Variants in TEX101 observed in about 807,000 individuals in gnomAD.
TEX101 encodes the protein testis-expressed protein 101.
TEX101 carries 10 observed loss-of-function variants against 18.1 expected under a neutral mutation model. The ratio of observed to expected loss-of-function variants is 0.55; its 90% confidence interval spans 0.34 to 0.94. TEX101 has a LOEUF of 0.94. TEX101 is among the 40% of genes least tolerant of loss of function. The pLI is 0.02. For synonymous variants in TEX101, 94 were observed against 114.8 expected (o/e 0.82, Z 1.16); for missense variants, 259 against 298.9 (o/e 0.87, Z 0.98).
chr19:43,413,056 CTTGTG>C (rs1225671116), upstream of TEX101, among the ~76,000 whole-genome samples: 1 of 152,172 alleles, frequency 6.6e-6, no homozygotes, highest in African/African-American at 2.4e-5. Flanking sequence ...ACCTAAACTA[CTTGTG>C]TTATCTGTAA....
intron 3 of TEX101, among the ~76,000 whole-genome samples, chr19:43,406,920 CTTTGT>C (rs1426102408): frequency 1.7e-5 from 2 of 117,832 alleles, no homozygotes; most frequent in Non-Finnish European, 1.7e-5. Flanking sequence ...TGTTTTTTGT[CTTTGT>C]TTTTTGTTTT....
upstream of TEX101, among the ~76,000 whole-genome samples, chr19:43,399,546 G>C (rs1176830021): frequency 1.3e-5 from 2 of 152,046 alleles, no homozygotes; most frequent in Non-Finnish European, 2.9e-5. Flanking sequence ...CCTCACTCGT[G>C]ATTTGGTTAC....
upstream of TEX101, among the ~76,000 whole-genome samples, chr19:43,399,856 G>T (rs1970304638): frequency 1.3e-5 from 2 of 148,626 alleles, no homozygotes; most frequent in Non-Finnish European, 1.5e-5. Flanking sequence ...CAGCCAGGCT[G>T]GAGTGCTGGA....
upstream of TEX101, among the ~76,000 whole-genome samples, chr19:43,400,602 C>T (rs920110247): frequency 1.3e-5 from 2 of 152,150 alleles, no homozygotes; most frequent in Non-Finnish European, 2.9e-5. Flanking sequence ...CTAGAGTTGT[C>T]CAGTCATTGT....
chr19:43,405,635 T>G (rs73041521), intron 2 of TEX101, among the ~76,000 whole-genome samples: 1 of 139,220 alleles, frequency 7.2e-6, no homozygotes, highest in Non-Finnish European at 1.6e-5. Context: ...ACATCTAAAA[T>G]GGAAGGAGGT....
rs1568459037 is a variant in TEX101, at chr19:43,416,582, A to G, written c.391+27A>G. The G allele has an allele frequency of 4.4e-6, 7 of 1,596,886 alleles. No homozygotes were observed. In the Middle Eastern group the frequency reaches 8.4e-4, roughly 192 times the overall value. On this transcript the variant is annotated intron_variant, in intron 4 of 5. Transcript: ENST00000598265. ...TACCCTGGAAGTGGGGGAGATAGGT[A>G]CTAAGAGAAACTCCATAAAGAGCTT...
chr19:43,417,809 G>A, intron 4 of TEX101, 69 bp from the exon 5 acceptor site: 9 of 1,592,724 alleles, frequency 5.7e-6, no homozygotes, highest in Non-Finnish European at 7.7e-6. Flanking sequence ...TTGGGGAAGA[G>A]AAGGCAGCAA....
intron 3 of TEX101, 65 bp downstream of exon 3, chr19:43,416,307 G>C: frequency 1.9e-6 from 3 of 1,585,658 alleles, no homozygotes; most frequent in Non-Finnish European, 2.6e-6. Flanking sequence ...GCCAATGCTT[G>C]TTCCCTTCGT....
upstream of TEX101, among the ~76,000 whole-genome samples, chr19:43,411,134 T>TACACTGC (rs771736853): frequency 6.6e-6 from 1 of 152,218 alleles, no homozygotes; most frequent in Non-Finnish European, 1.5e-5. Context: ...TGCAGTGCAG[T>TACACTGC]AGCACAATCT....
intron 1 of TEX101, among the ~76,000 whole-genome samples, chr19:43,401,800 G>A (rs1175572140): frequency 6.6e-6 from 1 of 151,902 alleles, no homozygotes; most frequent in Non-Finnish European, 1.5e-5. Flanking sequence ...GCTGGAGATT[G>A]TGCCATTGCA....
chr19:43,406,541 T>C (rs779492221), intron 3 of TEX101: 2 of 688,036 alleles, frequency 2.9e-6, no homozygotes, highest in Non-Finnish European at 5.3e-6. Flanking sequence ...TTGCGGGCTG[T>C]GGGTGAAATT....
At chr19:43,388,643 C>T in the TEX101 span, among the ~76,000 whole-genome samples, 6 of 152,064 alleles carry the variant, frequency 3.9e-5, no homozygotes, top group East Asian at 1.9e-4. Context: ...CAAATGGTGC[C>T]GTTGAGTCCT....
upstream of TEX101, among the ~76,000 whole-genome samples, chr19:43,398,346 G>C (rs189098795): frequency 6.8e-6 from 1 of 146,206 alleles, no homozygotes; most frequent in Non-Finnish European, 1.5e-5. Context: ...CGCCATCTTC[G>C]CTCACTGCAA....
intron 1 of TEX101, among the ~76,000 whole-genome samples, 151 bp downstream of exon 1, chr19:43,415,189 G>T (rs1282080517): frequency 1.3e-5 from 2 of 151,812 alleles, no homozygotes; most frequent in South Asian, 4.2e-4. Context: ...TACATAGGAC[G>T]GGGCTGGGCT....
At chr19:43,397,850 AAT>A (rs963479374), upstream of TEX101, among the ~76,000 whole-genome samples, 50 of 107,558 alleles carry the variant, frequency 4.6e-4, no homozygotes, top group Middle Eastern at 8.2e-3. Flanking sequence ...ATAAATATAT[AAT>A]ATATATAAAT....
At chr19:43,405,515 G>A (rs1187373656) in intron 2 of TEX101, among the ~76,000 whole-genome samples, 2 of 120,022 alleles carry the variant, frequency 1.7e-5, no homozygotes, top group African/African-American at 3.2e-5. Context: ...AAGTTGCAGT[G>A]AGCCAAGACC....
chr19:43,391,406 C>CTTTTTTTTTTTTTTT, the TEX101 span, among the ~76,000 whole-genome samples: 4 of 95,902 alleles, frequency 4.2e-5, no homozygotes, highest in Non-Finnish European at 7.9e-5. Context: ...TTCTGTTTTT[C>CTTTTTTTTTTTTTTT]TTTTTTTTTT....
chr19:43,404,418 A>T (rs1342082598), intron 2 of TEX101, among the ~76,000 whole-genome samples: 1 of 152,096 alleles, frequency 6.6e-6, no homozygotes, highest in Non-Finnish European at 1.5e-5. Context: ...TATATTACAT[A>T]TGTTTATGTA....
At chr19:43,414,632 C>T (rs957142078), upstream of TEX101, among the ~76,000 whole-genome samples, 5 of 152,164 alleles carry the variant, frequency 3.3e-5, no homozygotes, top group African/African-American at 1.2e-4. Flanking sequence ...ATGGGCCAGG[C>T]GAGGCCATCT....
Sources: allele counts gnomAD v4.1 joint callset (sites outside exome capture counted in the v4.1 genomes callset), GRCh38; gene constraint gnomAD v4.1.1; transcripts MANE v1.5; gene names NCBI Gene and HGNC (gene_info 2026-07-23, HGNC 2026-07-21).